The following GRIK4 variants were observed in gnomAD, a reference collection of about 807,000 sequenced individuals.
GRIK4 encodes glutamate ionotropic receptor kainate type subunit 4.
GRIK4 carries 40 observed loss-of-function variants against 104.9 expected under a neutral mutation model. That is an observed-to-expected ratio of 0.38 (90% confidence interval 0.30 to 0.50). GRIK4 has a LOEUF of 0.50. Ranked by LOEUF, GRIK4 falls within the 20% of genes least tolerant of loss-of-function variation. The pLI is 0.93. For missense variants in GRIK4, 1,047 were observed against 1,308.1 expected (o/e 0.80, Z 3.08); for synonymous variants, 485 against 524.9 (o/e 0.92, Z 1.04).
chr11:120,975,059 A>C (rs1944538770), intron 19 of GRIK4, among the ~76,000 whole-genome samples: 1 of 152,232 alleles, frequency 6.6e-6, no homozygotes. Flanking sequence ...TATCTTGAAA[A>C]ACATGAGCTC....
chr11:120,539,138 G>A (rs770603466), intron 1 of GRIK4, among the ~76,000 whole-genome samples: 16 of 152,180 alleles, frequency 1.1e-4, no homozygotes, highest in Non-Finnish European at 1.5e-4. Flanking sequence ...ATTAGGGGAA[G>A]GTACCCCTCA....
intron 3 of GRIK4, among the ~76,000 whole-genome samples, chr11:120,733,235 G>A (rs1297795706): frequency 6.6e-6 from 1 of 152,108 alleles, no homozygotes; most frequent in Non-Finnish European, 1.5e-5. Context: ...GTTTCTTGTA[G>A]GCAACAGATT....
intron 3 of GRIK4, among the ~76,000 whole-genome samples, chr11:120,722,855 G>A (rs919493463): frequency 5.3e-5 from 8 of 152,208 alleles, no homozygotes; most frequent in African/African-American, 1.9e-4. Context: ...GTGAAGGGCA[G>A]TCTGTGCTGG....
At chr11:120,748,734 G>T (rs2135420153) in intron 3 of GRIK4, among the ~76,000 whole-genome samples, 1 of 152,196 alleles carries the variant, frequency 6.6e-6, no homozygotes, top group Non-Finnish European at 1.5e-5. Context: ...AGCCCTCCCT[G>T]GTCACCATTT....
chr11:120,656,996 T>C (rs1949721459), intron 2 of GRIK4, among the ~76,000 whole-genome samples: 2 of 152,204 alleles, frequency 1.3e-5, no homozygotes, highest in African/African-American at 2.4e-5. Flanking sequence ...TTTAGCAGTC[T>C]GCTTAATAAT....
chr11:120,927,207 C>T (rs115876970), intron 13 of GRIK4, among the ~76,000 whole-genome samples: 7,641 of 151,672 alleles, frequency 0.05, 625 homozygotes, highest in African/African-American at 0.17. Context: ...GGAAGTCTCT[C>T]GGTTCTTTTC....
intron 1 of GRIK4, among the ~76,000 whole-genome samples, chr11:120,637,142 G>GGAGA (rs142967472): frequency 7.3e-5 from 11 of 151,488 alleles, no homozygotes; most frequent in Non-Finnish European, 1.0e-4. Context: ...GAGGTGAGAG[G>GGAGA]GAGAGAGAGA....
intron 3 of GRIK4, among the ~76,000 whole-genome samples, chr11:120,794,970 A>G (rs1294783424): frequency 6.6e-6 from 1 of 152,050 alleles, no homozygotes; most frequent in Non-Finnish European, 1.5e-5. Context: ...GAGGTGCCAG[A>G]TGAGTGATGG....
chr11:120,605,923 C>A (rs1195022152), intron 1 of GRIK4, among the ~76,000 whole-genome samples: 1 of 152,222 alleles, frequency 6.6e-6, no homozygotes, highest in African/African-American at 2.4e-5. Context: ...ACCGCACAGG[C>A]GGTGGCTGGG....
intron 11 of GRIK4, among the ~76,000 whole-genome samples, chr11:120,880,311 A>T (rs983267943): frequency 2.6e-5 from 4 of 152,192 alleles, no homozygotes; most frequent in African/African-American, 7.2e-5. Flanking sequence ...CACCTACATG[A>T]TGTGCTGTGC....
At chr11:120,808,889 C>T (rs932104499) in intron 4 of GRIK4, among the ~76,000 whole-genome samples, 10 of 152,150 alleles carry the variant, frequency 6.6e-5, no homozygotes, top group African/African-American at 7.2e-5. Flanking sequence ...CCCCAGTGCA[C>T]ATCTCTGTGA....
intron 8 of GRIK4, among the ~76,000 whole-genome samples, chr11:120,837,851 A>G (rs1301584628): frequency 6.6e-6 from 1 of 152,134 alleles, no homozygotes; most frequent in Non-Finnish European, 1.5e-5. Context: ...AGATTAAAGT[A>G]CAGTTGTGTT....
At chr11:120,957,447 G>A (rs1404376548) in intron 16 of GRIK4, among the ~76,000 whole-genome samples, 1 of 152,194 alleles carries the variant, frequency 6.6e-6, no homozygotes, top group Non-Finnish European at 1.5e-5. Context: ...CAGCAGGTGT[G>A]GGAAAACGCA....
intron 11 of GRIK4, among the ~76,000 whole-genome samples, chr11:120,892,476 G>T (rs886654708): frequency 1.3e-5 from 2 of 152,144 alleles, no homozygotes; most frequent in Non-Finnish European, 2.9e-5. Context: ...TTTGATTAGG[G>T]TGGAGGCTGG....
Position 120,857,589 on chromosome 11 carries a change from TA to T in GRIK4, c.745-4360del, listed in dbSNP as rs1217118880. Among the ~76,000 whole-genome samples the T allele has an allele frequency of 1.3e-4, 20 of 150,922 alleles. 1 individual carries two copies. Among genetic ancestry groups the T allele is most frequent in the African/African-American group, 3.2e-4 (13 of 41,050 alleles). On this transcript the variant is annotated intron_variant, in intron 8 of 20. Transcript: ENST00000527524. Reference sequence around the variant, plus strand: ...GATGATAAAGCAAGCTGTCAGGATTTAAAAAAAAAATACAATAATGCAATTC... The same window carrying T: ...GATGATAAAGCAAGCTGTCAGGATTTAAAAAAAAATACAATAATGCAATTC...
At position 120,534,644 on chromosome 11, in the gene GRIK4, A is replaced by T. The variant is rs185638956; in HGVS notation, c.-159+22757A>T. ...GGAAAACGCTGTAGTAAGTACAGTA[A>T]GAGTCATACAGTGTCTAGTGGATTT... On this transcript the variant is annotated intron_variant, in intron 1 of 20. Coordinates refer to ENST00000527524, the MANE Select transcript of GRIK4 (RefSeq NM_014619.5). Among the ~76,000 whole-genome samples, 45 of 152,288 alleles carry T rather than the reference A, an allele frequency of 3.0e-4. 1 individual carries two copies. The highest frequency in any genetic ancestry group is 2.5e-3 in the Admixed American group (38 of 15,304).
At chr11:120,764,769 T>C (rs1951803839) in intron 3 of GRIK4, among the ~76,000 whole-genome samples, 1 of 152,192 alleles carries the variant, frequency 6.6e-6, no homozygotes, top group South Asian at 2.1e-4. Context: ...TCTTTAAGAA[T>C]GTTGAATATT....
intron 13 of GRIK4, among the ~76,000 whole-genome samples, chr11:120,918,199 A>G (rs1238476493): frequency 6.6e-6 from 1 of 152,138 alleles, no homozygotes; most frequent in African/African-American, 2.4e-5. Flanking sequence ...CTTCCCACCC[A>G]GACTGAGAAA....
intron 11 of GRIK4, among the ~76,000 whole-genome samples, chr11:120,881,877 G>C (rs961669459): frequency 2.6e-5 from 4 of 152,128 alleles, no homozygotes; most frequent in Non-Finnish European, 4.4e-5. Flanking sequence ...TCGTGGCCCT[G>C]TGCAGCTGAG....
Sources: allele counts gnomAD v4.1 joint callset (sites outside exome capture counted in the v4.1 genomes callset), GRCh38; gene constraint gnomAD v4.1.1; transcripts MANE v1.5; gene names NCBI Gene and HGNC (gene_info 2026-07-23, HGNC 2026-07-21).